Variants in TUBA4B observed in about 807,000 individuals in gnomAD.
TUBA4B encodes the protein tubulin-like protein alpha-4B.
Under a neutral mutation model 18.4 loss-of-function variants are expected in TUBA4B, and 13 were observed. The observed-to-expected ratio is 0.71, with a 90% CI of 0.46 to 1.12. The LOEUF (loss-of-function observed/expected upper bound fraction) is 1.12, where lower values mean the gene tolerates loss of function less well. Ranked by LOEUF, TUBA4B falls within the 50% of genes most tolerant of loss-of-function variation. TUBA4B has a pLI of 0.00. For missense variants in TUBA4B, 244 were observed against 250.0 expected (o/e 0.98, Z 0.16); for synonymous variants, 101 against 99.1 (o/e 1.02, Z -0.11).
intron 1 of TUBA4B, chr2:219,254,155 C>T: frequency 2.9e-6 from 1 of 345,906 alleles, no homozygotes; most frequent in Non-Finnish European, 5.2e-6. Context: ...TCGTTTTGAG[C>T]AGACACGCTG....
chr2:219,262,168 T>G (rs1039486738), intron 1 of TUBA4B, among the ~76,000 whole-genome samples: 1 of 152,008 alleles, frequency 6.6e-6, no homozygotes, highest in Non-Finnish European at 1.5e-5. Flanking sequence ...AAAATTAGCC[T>G]GGCGTGGTGG....
chr2:219,258,999 T>G (rs1041679407), intron 1 of TUBA4B, among the ~76,000 whole-genome samples: 1 of 152,006 alleles, frequency 6.6e-6, no homozygotes, highest in Non-Finnish European at 1.5e-5. Context: ...ATGCCCAAGA[T>G]GGCCGGGAGC....
chr2:219,265,362 C>T (rs1951783773), intron 1 of TUBA4B, among the ~76,000 whole-genome samples: 1 of 152,160 alleles, frequency 6.6e-6, no homozygotes, highest in South Asian at 2.1e-4. Flanking sequence ...GCAGACTAGG[C>T]GCAGGGGCTC....
chr2:219,268,287 G>A (rs554742136), intron 2 of TUBA4B, among the ~76,000 whole-genome samples: 226 of 152,026 alleles, frequency 1.5e-3, no homozygotes, highest in African/African-American at 5.3e-3. Flanking sequence ...TGGAGAGGGG[G>A]TTTCACCATG....
chr2:219,272,124 A>C lies in TUBA4B; in HGVS notation c.*425A>C. ...GGATAGTGTGGAGTGGGGGGAAGAA[A>C]AGATAGGGGGGATGAATACTAGGGG... is the stretch of plus-strand genomic sequence containing the variant. On this transcript the variant is annotated 3_prime_UTR_variant, in exon 4 of 4. Transcript: ENST00000490341. 8.4e-6 allele frequency: 6 copies of C among 710,694 alleles called. No individual in the cohort carries two copies. Among genetic ancestry groups the C allele is most frequent in the Middle Eastern group, 3.8e-4 (1 of 2,610 alleles). The allele number at this position is 710,694 out of a possible 1,614,324, so 44.0% of individuals were successfully genotyped here.
chr2:219,265,775 A>G (rs1322860572), intron 1 of TUBA4B, among the ~76,000 whole-genome samples: 1 of 152,216 alleles, frequency 6.6e-6, no homozygotes, highest in Non-Finnish European at 1.5e-5. Flanking sequence ...GTGACTTGCC[A>G]TGGCCTAGGA....
In TUBA4B at chr2:219,271,859, A is replaced by G; in HGVS notation, c.*160A>G. ...ACAGGCTTTAAGGTTGATATCAATC[A>G]CCAGCCTCCCACTGTGGTGCCTGGG... On this transcript the variant is annotated 3_prime_UTR_variant, in exon 4 of 4. Transcript: ENST00000490341. 1 of 1,506,300 alleles carries G rather than the reference A, an allele frequency of 6.6e-7. No individual in the cohort carries two copies. The highest frequency in any genetic ancestry group is 9.2e-7 in the Non-Finnish European group (1 of 1,082,254). 93.3% of individuals were successfully genotyped at this position (1,506,300 alleles called of 1,614,324 possible).
chr2:219,255,659 C>T (rs1410054779), intron 1 of TUBA4B, among the ~76,000 whole-genome samples: 1 of 152,206 alleles, frequency 6.6e-6, no homozygotes, highest in Non-Finnish European at 1.5e-5. Flanking sequence ...CCTGAGCAAC[C>T]ACCCCAGCCT....
At chr2:219,254,673 G>C (rs887441448) in intron 1 of TUBA4B, 3 of 152,428 alleles carry the variant, frequency 2.0e-5, no homozygotes, top group African/African-American at 4.8e-5. Flanking sequence ...AGAACTGCGG[G>C]AGCGCTGACC....
chr2:219,255,866 A>G (rs1951715545), intron 1 of TUBA4B, among the ~76,000 whole-genome samples: 1 of 152,214 alleles, frequency 6.6e-6, no homozygotes, highest in African/African-American at 2.4e-5. Context: ...CTCTCTATCA[A>G]CAAAATAGGC....
At chr2:219,262,071 T>G (rs56975808) in intron 1 of TUBA4B, among the ~76,000 whole-genome samples, 10,713 of 152,190 alleles carry the variant, frequency 0.07, 934 homozygotes, top group African/African-American at 0.2. Context: ...CAGCACTTTG[T>G]GAGGCCGAGG....
intron 1 of TUBA4B, among the ~76,000 whole-genome samples, chr2:219,261,358 T>A (rs1452586506): frequency 6.6e-6 from 1 of 152,168 alleles, no homozygotes; most frequent in African/African-American, 2.4e-5. Context: ...GAAAAACCTT[T>A]CCTTGAAGCG....
At chr2:219,258,487 G>GT (rs765257620) in intron 1 of TUBA4B, among the ~76,000 whole-genome samples, 5,618 of 141,418 alleles carry the variant, frequency 0.04, 244 homozygotes, top group African/African-American at 0.1. Context: ...CGCCTGGCTA[G>GT]TTTTTTTTTT....
At chr2:219,263,683 T>C (rs1024012290) in intron 1 of TUBA4B, among the ~76,000 whole-genome samples, 4 of 152,212 alleles carry the variant, frequency 2.6e-5, no homozygotes, top group African/African-American at 9.7e-5. Flanking sequence ...GCCAACCCAG[T>C]AGAAGGCTGA....
chr2:219,253,830 C>A, intron 1 of TUBA4B: 1 of 1,521,320 alleles, frequency 6.6e-7, no homozygotes, highest in Non-Finnish European at 8.8e-7. Flanking sequence ...AGGGGACAGG[C>A]GCGACCCCGG....
chr2:219,255,119 C>T (rs1196410896), intron 1 of TUBA4B, among the ~76,000 whole-genome samples: 2 of 152,200 alleles, frequency 1.3e-5, no homozygotes, highest in Non-Finnish European at 2.9e-5. Context: ...GGTGCAATCT[C>T]AGCTCATTGC....
rs140185144 is a variant in TUBA4B, at chr2:219,261,666, C to G, written c.13-4855C>G. Among the ~76,000 whole-genome samples, 214 of 152,308 alleles carry G rather than the reference C, an allele frequency of 1.4e-3. 1 individual carries two copies. The highest frequency in any genetic ancestry group is 2.5e-3 in the Non-Finnish European group (170 of 68,020). On this transcript the variant is annotated intron_variant, in intron 1 of 3. Transcript: ENST00000490341. ...TTCTCACCACCCCCTACTACCATCC[C>G]GTTATTCCTAGATGCCTTCAGCAGC...
chr2:219,258,710 C>T (rs888872160), intron 1 of TUBA4B, among the ~76,000 whole-genome samples: 2 of 152,074 alleles, frequency 1.3e-5, no homozygotes, highest in Non-Finnish European at 2.9e-5. Flanking sequence ...ATTTTTATTA[C>T]AATTTGTTAC....
rs543921349 is a variant in TUBA4B at position 219,253,356 on chromosome 2, G to C, written c.-52G>C. ...CTCAGACGCGGGGTGCTGAGTCACG[G>C]GGGGGGGGTGGTTCTGTGGATAGTT... On this transcript the variant is annotated 5_prime_UTR_variant, in exon 1 of 4. Transcript: ENST00000490341. The C allele has an allele frequency of 5.7e-4, 832 of 1,462,320 alleles. 16 individuals are homozygous for C. The South Asian group carries it at 8.7e-3, about 15-fold the overall frequency. 90.6% of individuals were successfully genotyped at this position (1,462,320 alleles called of 1,614,324 possible).
Sources: gnomAD v4.1 joint callset for allele counts (sites outside exome capture counted in the v4.1 genomes callset) on GRCh38, gnomAD v4.1.1 for gene constraint, MANE v1.5 for transcripts, NCBI Gene and HGNC (gene_info 2026-07-23, HGNC 2026-07-21) for gene names.